CLSTN2: variants seen among roughly 807,000 people sequenced by gnomAD.
CLSTN2 encodes calsyntenin-2.
A neutral mutation model predicts 101.2 loss-of-function variants in CLSTN2; 48 were observed. That is an observed-to-expected ratio of 0.47 (90% CI 0.38 to 0.60). The LOEUF (loss-of-function observed/expected upper bound fraction) is 0.60, where lower values mean the gene tolerates loss of function less well. Among genes scored for constraint, CLSTN2 ranks in the 20% least tolerant of loss-of-function variants. The probability of loss-of-function intolerance (pLI) is 0.00; values close to 1 mark genes in which losing one functional copy is unlikely to be tolerated. For missense variants in CLSTN2, 1,160 were observed against 1,238.2 expected, an observed-to-expected ratio of 0.94 and a Z score of 0.95; for synonymous variants, 481 against 463.6, an observed-to-expected ratio of 1.04 and a Z score of -0.48.
chr3:140,141,099 C>T (rs576056393), intron 1 of CLSTN2, among the ~76,000 whole-genome samples: 7 of 152,292 alleles, frequency 4.6e-5, no homozygotes, highest in South Asian at 2.1e-4. Flanking sequence ...TAGATGAAGT[C>T]GGTCTTGAAG....
At chr3:139,971,401 A>G (rs1183494826) in intron 1 of CLSTN2, among the ~76,000 whole-genome samples, 1 of 152,190 alleles carries the variant, frequency 6.6e-6, no homozygotes, top group African/African-American at 2.4e-5. Flanking sequence ...TCATTTATTG[A>G]GTGTTCCTCG....
At chr3:140,229,198 A>G (rs968752634) in intron 2 of CLSTN2, among the ~76,000 whole-genome samples, 2 of 152,190 alleles carry the variant, frequency 1.3e-5, no homozygotes, top group Admixed American at 1.3e-4. Flanking sequence ...CCACCTATCC[A>G]TATCCAGGAT....
At chr3:140,174,787 A>G (rs920934801) in intron 1 of CLSTN2, among the ~76,000 whole-genome samples, 5 of 152,192 alleles carry the variant, frequency 3.3e-5, no homozygotes, top group Admixed American at 2.0e-4. Context: ...CCCTCCCACA[A>G]CATGTGGGAA....
At chr3:140,135,111 CACACACATATAT>C (rs1306853569) in intron 1 of CLSTN2, among the ~76,000 whole-genome samples, 4 of 52,108 alleles carry the variant, frequency 7.7e-5, no homozygotes, top group African/African-American at 3.7e-4. Context: ...CACACACACA[CACACACATATAT>C]ATATATATAT....
chr3:140,137,360 C>A (rs1389699380), intron 1 of CLSTN2, among the ~76,000 whole-genome samples: 1 of 44,206 alleles, frequency 2.3e-5, no homozygotes, highest in African/African-American at 7.5e-5. Flanking sequence ...CAACCCGCAT[C>A]ATTCTTATAC....
intron 4 of CLSTN2, among the ~76,000 whole-genome samples, chr3:140,406,862 G>A (rs2088308981): frequency 6.6e-6 from 1 of 152,224 alleles, no homozygotes; most frequent in African/African-American, 2.4e-5. Context: ...TCAGTGAGAT[G>A]AGATGCAAAG....
At chr3:140,044,090 A>T (rs1164235561) in intron 1 of CLSTN2, among the ~76,000 whole-genome samples, 2 of 152,098 alleles carry the variant, frequency 1.3e-5, no homozygotes, top group African/African-American at 4.8e-5. Context: ...CTTGATGGGG[A>T]TGGCATTGAA....
At chr3:140,405,415 TGG>T (rs2088292274) in intron 4 of CLSTN2, among the ~76,000 whole-genome samples, 1 of 152,092 alleles carries the variant, frequency 6.6e-6, no homozygotes. Flanking sequence ...TTAGTGGAGA[TGG>T]GGTTTTACCA....
chr3:140,085,243 A>C (rs1322483032), intron 1 of CLSTN2, among the ~76,000 whole-genome samples: 5 of 152,222 alleles, frequency 3.3e-5, no homozygotes, highest in Non-Finnish European at 7.3e-5. Context: ...GCATTGCTGC[A>C]CTGAAAGAAA....
intron 2 of CLSTN2, among the ~76,000 whole-genome samples, chr3:140,212,243 A>T (rs2010864893): frequency 6.6e-6 from 1 of 152,178 alleles, no homozygotes; most frequent in Non-Finnish European, 1.5e-5. Context: ...ACAAAGATTT[A>T]CCTTCTGGAT....
At position 140,577,273 on chromosome 3, in the gene CLSTN2, AAC is replaced by A. The variant is rs1312529067; in HGVS notation, c.*11024_*11025del. On this transcript the variant is annotated 3_prime_UTR_variant, in exon 17 of 17. Coordinates refer to ENST00000458420, the MANE Select transcript of CLSTN2 (RefSeq NM_022131.3). ...CAAGTAATTTGTTAAATGCCTATTCAACACAGACAGATTTTTATTTTCAGCTG... is the reference window on the plus strand; with the variant it reads ...CAAGTAATTTGTTAAATGCCTATTCAACAGACAGATTTTTATTTTCAGCTG... The A allele has an allele frequency of 6.6e-6, 1 of 152,250 alleles. No individual in the cohort carries two copies. Among genetic ancestry groups the A allele is most frequent in the African/African-American group, 2.4e-5 (1 of 41,476 alleles). 9.4% of individuals were successfully genotyped at this position (152,250 alleles called of 1,614,324 possible). A position where few individuals can be genotyped will look rare whatever the true frequency, so the allele number is the denominator to read the frequency against.
chr3:140,238,705 G>C (rs1165326683), intron 2 of CLSTN2, among the ~76,000 whole-genome samples: 1 of 152,136 alleles, frequency 6.6e-6, no homozygotes, highest in Non-Finnish European at 1.5e-5. Context: ...CTTAATACAT[G>C]AGGAGTGTTT....
At chr3:140,434,575 C>A (rs2088668544) in intron 5 of CLSTN2, among the ~76,000 whole-genome samples, 1 of 148,808 alleles carries the variant, frequency 6.7e-6, no homozygotes, top group South Asian at 2.1e-4. Flanking sequence ...AGAAAGCTTC[C>A]CCAAGAAGGT....
chr3:140,263,041 A>T (rs1056534654), intron 2 of CLSTN2, among the ~76,000 whole-genome samples: 9 of 151,924 alleles, frequency 5.9e-5, no homozygotes, highest in African/African-American at 2.2e-4. Flanking sequence ...ACCGTTCCCC[A>T]CATCCCCCCC....
At chr3:139,977,522 A>G (rs577441402) in intron 1 of CLSTN2, among the ~76,000 whole-genome samples, 16 of 121,936 alleles carry the variant, frequency 1.3e-4, no homozygotes, top group African/African-American at 4.5e-4. Flanking sequence ...TGCTGTTTTT[A>G]CCCCCTTACT....
chr3:140,215,251 T>G (rs1179477638), intron 2 of CLSTN2, among the ~76,000 whole-genome samples: 1 of 152,174 alleles, frequency 6.6e-6, no homozygotes, highest in African/African-American at 2.4e-5. Context: ...CTCTTCCTCT[T>G]CAATCCTTCT....
chr3:140,056,601 G>C (rs932309444), intron 1 of CLSTN2, among the ~76,000 whole-genome samples: 1 of 152,156 alleles, frequency 6.6e-6, no homozygotes, highest in African/African-American at 2.4e-5. Context: ...GCAGCTCCCA[G>C]ATAGGAACTG....
At chr3:140,449,178 A>T (rs1163250950) in intron 6 of CLSTN2, among the ~76,000 whole-genome samples, 1 of 152,148 alleles carries the variant, frequency 6.6e-6, no homozygotes, top group Non-Finnish European at 1.5e-5. Context: ...GCAAATGAAA[A>T]TTTGGGGCTC....
In CLSTN2 at chr3:139,944,859, C is replaced by T. The variant is rs147151014; in HGVS notation, c.109+9376C>T. 1.1e-4 allele frequency among the ~76,000 whole-genome samples: 16 copies of T among 152,298 alleles called. No individual in the cohort carries two copies. The East Asian group carries it at 2.7e-3, about 26-fold the overall frequency. On this transcript the variant is annotated intron_variant, in intron 1 of 16. Transcript: ENST00000458420. ...CCAAACCAACTTGCAGCATTTGCTC[C>T]GTAGTGGTTTAAAATACTCGCTTCC...
Sources: allele counts gnomAD v4.1 joint callset (sites outside exome capture counted in the v4.1 genomes callset), GRCh38; gene constraint gnomAD v4.1.1; transcripts MANE v1.5; gene names NCBI Gene and HGNC (gene_info 2026-07-23, HGNC 2026-07-21).